CHST9: variants seen among roughly 807,000 people sequenced by gnomAD.
CHST9 encodes GalNAc-4-sulfotransferase 2.
Under a neutral mutation model 44.4 loss-of-function variants are expected in CHST9, and 41 were observed. The observed-to-expected ratio is 0.92, with a 90% CI of 0.72 to 1.20. CHST9 has a LOEUF of 1.20. CHST9 is among the 50% of genes most tolerant of loss of function. The pLI is 0.00. For synonymous variants in CHST9, 171 were observed against 178.4 expected, an observed-to-expected ratio of 0.96 and a Z score of 0.33; for missense variants, 504 against 516.5, an observed-to-expected ratio of 0.98 and a Z score of 0.23.
intron 1 of CHST9, among the ~76,000 whole-genome samples, chr18:27,175,254 G>A (rs1259128911): frequency 6.6e-6 from 1 of 151,580 alleles, no homozygotes; most frequent in Non-Finnish European, 1.5e-5. Flanking sequence ...ATATGAATAG[G>A]TAACTTTCAG....
intron 5 of CHST9, among the ~76,000 whole-genome samples, chr18:26,937,550 G>A (rs991078413): frequency 6.6e-6 from 1 of 152,116 alleles, no homozygotes; most frequent in African/African-American, 2.4e-5. Context: ...ACTCATCAGC[G>A]GAGTGCCATT....
chr18:27,004,768 A>T (rs912087053), intron 4 of CHST9, among the ~76,000 whole-genome samples: 1 of 152,204 alleles, frequency 6.6e-6, no homozygotes, highest in African/African-American at 2.4e-5. Context: ...TTAGGCAGAA[A>T]GGAGGGTTTC....
intron 5 of CHST9, among the ~76,000 whole-genome samples, chr18:26,921,981 G>A (rs1267527692): frequency 6.6e-6 from 1 of 151,940 alleles, no homozygotes; most frequent in Non-Finnish European, 1.5e-5. Flanking sequence ...ACCCCCAATT[G>A]GATATTCATT....
intron 2 of CHST9, among the ~76,000 whole-genome samples, chr18:27,077,039 G>A (rs1437940171): frequency 6.6e-6 from 1 of 152,114 alleles, no homozygotes; most frequent in Admixed American, 6.5e-5. Context: ...TTTATACTGT[G>A]TTCTTATAAT....
At chr18:26,931,506 T>A (rs1168324065) in intron 5 of CHST9, among the ~76,000 whole-genome samples, 1 of 152,228 alleles carries the variant, frequency 6.6e-6, no homozygotes, top group African/African-American at 2.4e-5. Flanking sequence ...CCCTTCTGGA[T>A]TAATTCACAG....
chr18:27,151,268 A>C (rs915638590), intron 1 of CHST9, among the ~76,000 whole-genome samples: 24 of 152,156 alleles, frequency 1.6e-4, no homozygotes, highest in Admixed American at 4.6e-4. Flanking sequence ...TTCTCCAAAA[A>C]AGTGGGATTG....
intron 4 of CHST9, among the ~76,000 whole-genome samples, chr18:27,015,169 T>A (rs912140585): frequency 6.6e-6 from 1 of 152,220 alleles, no homozygotes; most frequent in Admixed American, 6.5e-5. Flanking sequence ...TGCTAAGATA[T>A]TCTTGTAGCT....
At chr18:26,965,816 C>T (rs1598601062) in intron 4 of CHST9, among the ~76,000 whole-genome samples, 1 of 152,074 alleles carries the variant, frequency 6.6e-6, no homozygotes, top group Admixed American at 6.6e-5. Context: ...AGATCAGAGC[C>T]TCATGGTCAA....
chr18:27,107,643 T>C (rs566610169), intron 2 of CHST9, among the ~76,000 whole-genome samples: 2 of 152,310 alleles, frequency 1.3e-5, no homozygotes, highest in East Asian at 1.9e-4. Context: ...GGAGTGCACA[T>C]GGTCTTTAGC....
At chr18:26,994,260 TA>T (rs1015336884) in intron 4 of CHST9, among the ~76,000 whole-genome samples, 1 of 152,228 alleles carries the variant, frequency 6.6e-6, no homozygotes, top group African/African-American at 2.4e-5. Flanking sequence ...TGTATATATT[TA>T]AAAGATAATG....
At chr18:27,035,482 G>A (rs759423911) in intron 3 of CHST9, among the ~76,000 whole-genome samples, 6 of 152,002 alleles carry the variant, frequency 3.9e-5, no homozygotes, top group African/African-American at 1.2e-4. Flanking sequence ...AATGTGAGAC[G>A]TGTGTTTGTG....
chr18:27,145,466 G>A (rs999784546), intron 1 of CHST9, among the ~76,000 whole-genome samples: 14 of 152,258 alleles, frequency 9.2e-5, no homozygotes, highest in African/African-American at 3.4e-4. Flanking sequence ...TTACAGGCGT[G>A]AGCCACTGCC....
At chr18:27,075,177 TTG>T (rs1180778815) in intron 2 of CHST9, among the ~76,000 whole-genome samples, 1 of 111,950 alleles carries the variant, frequency 8.9e-6, no homozygotes, top group African/African-American at 3.0e-5. Flanking sequence ...TTTTTGTTTT[TTG>T]TTTTTTTTTT....
chr18:26,999,626 A>C (rs532201983), intron 4 of CHST9, among the ~76,000 whole-genome samples: 1 of 152,280 alleles, frequency 6.6e-6, no homozygotes, highest in Admixed American at 6.5e-5. Context: ...TTTATATAAA[A>C]AAATTGGTGA....
At chr18:27,161,668 A>C (rs2058748272) in intron 1 of CHST9, among the ~76,000 whole-genome samples, 2 of 150,410 alleles carry the variant, frequency 1.3e-5, no homozygotes, top group Non-Finnish European at 3.0e-5. Context: ...GATATCCTTA[A>C]CTTTCTGTCT....
intron 4 of CHST9, among the ~76,000 whole-genome samples, chr18:26,995,205 C>T (rs1295504987): frequency 1.4e-5 from 2 of 145,724 alleles, no homozygotes; most frequent in Non-Finnish European, 3.0e-5. Context: ...GGGTGGATCA[C>T]GAGGTCAGGA....
chr18:26,921,220 C>A (rs1457786022), intron 5 of CHST9, among the ~76,000 whole-genome samples: 2 of 152,164 alleles, frequency 1.3e-5, no homozygotes, highest in Non-Finnish European at 2.9e-5. Context: ...AGCCCTCATG[C>A]AGACTAGATG....
chr18:27,087,121 T>C (rs2058020614), intron 2 of CHST9, among the ~76,000 whole-genome samples: 1 of 152,154 alleles, frequency 6.6e-6, no homozygotes, highest in South Asian at 2.1e-4. Flanking sequence ...AATCTAATCA[T>C]ATAATAATAA....
rs1406737207 is a variant in CHST9 at position 26,914,610 on chromosome 18, C to T, written c.*1649G>A. ...AAAGGTTGGATTAGAAGGTTTAATA[C>T]TTTTGATCTCTCAGCCCATTGCAGT... On this transcript the variant is annotated 3_prime_UTR_variant, in exon 6 of 6. Transcript: ENST00000618847. 3.8e-6 allele frequency: 1 copy of T among 261,552 alleles called. No homozygotes were observed. The highest frequency in any genetic ancestry group is 2.2e-5 in the African/African-American group (1 of 45,518). 16.2% of individuals were successfully genotyped at this position (261,552 alleles called of 1,614,324 possible). A position where few individuals can be genotyped will look rare whatever the true frequency, so the allele number is the denominator to read the frequency against.
Sources: gnomAD v4.1 joint callset for allele counts (sites outside exome capture counted in the v4.1 genomes callset) on GRCh38, gnomAD v4.1.1 for gene constraint, MANE v1.5 for transcripts, NCBI Gene and HGNC (gene_info 2026-07-23, HGNC 2026-07-21) for gene names.